Variants in ABCC9 observed in about 807,000 individuals in gnomAD.
The protein encoded by ABCC9 is ATP binding cassette subfamily C member 9, also known as ATP-binding cassette sub-family C member 9.
In ABCC9, 95 loss-of-function variants were observed where a neutral mutation model predicts 188.3. The observed-to-expected ratio is 0.50, with a 90% CI of 0.43 to 0.60. ABCC9 has a LOEUF of 0.60. Ranked by LOEUF, ABCC9 falls within the 20% of genes least tolerant of loss-of-function variation. The probability of loss-of-function intolerance (pLI) is 0.00; values close to 1 mark genes in which losing one functional copy is unlikely to be tolerated. For missense variants in ABCC9, 1,102 were observed against 1,876.3 expected, an observed-to-expected ratio of 0.59 and a Z score of 7.62; for synonymous variants, 659 against 652.7, an observed-to-expected ratio of 1.01 and a Z score of -0.15.
At chr12:21,872,800 T>G in intron 17 of ABCC9, 70 bp from the exon 18 acceptor site, 1 of 1,223,518 alleles carries the variant, frequency 8.2e-7, no homozygotes, top group Non-Finnish European at 1.2e-6. Context: ...CAAAACACAT[T>G]TAGAAAAAGC....
chr12:21,822,119 C>A (rs189410404), intron 31 of ABCC9, among the ~76,000 whole-genome samples: 1 of 152,174 alleles, frequency 6.6e-6, no homozygotes, highest in Admixed American at 6.5e-5. Flanking sequence ...TCAAAATCTA[C>A]AATCAACTAA....
At chr12:21,937,516 G>A (rs913429406) in intron 2 of ABCC9, among the ~76,000 whole-genome samples, 1 of 152,108 alleles carries the variant, frequency 6.6e-6, no homozygotes, top group African/African-American at 2.4e-5. Context: ...GGATTCCGGG[G>A]CAGAGGAGTG....
Position 21,901,641 on chromosome 12 carries a change from C to T in ABCC9, c.1618+4485G>A, listed in dbSNP as rs182752574. On this transcript the variant is annotated intron_variant, in intron 12 of 39. Transcript: ENST00000261200. ...CAAGCAAATGGAAAACAAAAAAAGG[C>T]AGAGGTTGCAATCCTAGTCTCAGAT... is the stretch of plus-strand genomic sequence containing the variant. 8.0e-3 allele frequency among the ~76,000 whole-genome samples: 1,217 copies of T among 152,166 alleles called. 39 individuals are homozygous for T. The highest frequency in any genetic ancestry group is 0.048 in the Admixed American group (727 of 15,278).
At chr12:21,917,240 A>G (rs2137931328) in intron 5 of ABCC9, 137 bp from the exon 6 acceptor site, 1 of 913,772 alleles carries the variant, frequency 1.1e-6, no homozygotes, top group Admixed American at 2.1e-5. Flanking sequence ...CTTGGTAAGA[A>G]AACAACATAT....
intron 39 of ABCC9, chr12:21,805,101 A>G (rs1186708115): frequency 1.6e-5 from 25 of 1,601,274 alleles, no homozygotes; most frequent in African/African-American, 2.7e-5. Context: ...AGCATTAGCC[A>G]TGCCTTACTG....
chr12:21,804,461 C>T (rs1394109280), intron 39 of ABCC9, among the ~76,000 whole-genome samples: 6 of 152,182 alleles, frequency 3.9e-5, no homozygotes, highest in Non-Finnish European at 8.8e-5. Flanking sequence ...TATCTCCCTA[C>T]CTTTTCCAGC....
chr12:21,835,388 A>G (rs1472129267), intron 30 of ABCC9, among the ~76,000 whole-genome samples: 2 of 152,224 alleles, frequency 1.3e-5, no homozygotes, highest in Non-Finnish European at 2.9e-5. Context: ...ATTATGATGC[A>G]GTGTGCTAAG....
At position 21,806,056 on chromosome 12, in the gene ABCC9, T is replaced by C; in HGVS notation, c.4454A>G (p.Asn1485Ser). ...ATASIDMATE[N>S]ILQKVVMTAF... The stretch of plus-strand genomic sequence containing the variant: ...TGTCATTACTACTTTTTGCAAAATA[T>C]TCTCCTGCAAAAAAAAAAAAGTGTA... The change falls in exon 39 of 40, where the codon AAT becomes AGT. Residue 1485 changes from asparagine to serine, a missense_variant. Asn to Ser is a conservative substitution (Grantham distance 46). Around this residue, in one of 12 missense-constraint regions of ABCC9, gnomAD observed 40 missense variants for 105.5 expected, o/e 0.38. Coordinates refer to ENST00000261200, the MANE Select transcript of ABCC9 (RefSeq NM_020297.4). The C allele has an allele frequency of 6.2e-7, 1 of 1,612,998 alleles. No homozygotes were observed. Among genetic ancestry groups the C allele is most frequent in the Middle Eastern group, 1.6e-4 (1 of 6,062 alleles).
At chr12:21,919,965 C>T (rs561322576) in intron 5 of ABCC9, among the ~76,000 whole-genome samples, 1 of 151,958 alleles carries the variant, frequency 6.6e-6, no homozygotes, top group African/African-American at 2.4e-5. Context: ...CAGATCAATG[C>T]AATTTAGCAT....
At chr12:21,833,736 T>TG in intron 30 of ABCC9, among the ~76,000 whole-genome samples, 1 of 152,280 alleles carries the variant, frequency 6.6e-6, no homozygotes, top group African/African-American at 2.4e-5. Flanking sequence ...CATACCTTCA[T>TG]AGAGGAGCTA....
intron 14 of ABCC9, 23 bp downstream of exon 14, chr12:21,894,009 A>T (rs764052139): frequency 6.2e-7 from 1 of 1,613,592 alleles, no homozygotes; most frequent in South Asian, 1.1e-5. Context: ...TAAGCAAAAA[A>T]TGCCAGACAC....
At chr12:21,856,610 A>G (rs975630140) in intron 22 of ABCC9, among the ~76,000 whole-genome samples, 1 of 152,216 alleles carries the variant, frequency 6.6e-6, no homozygotes, top group African/African-American at 2.4e-5. Context: ...GAAACTATTC[A>G]AGTGACATGT....
At chr12:21,920,283 G>C (rs1948758934) in intron 5 of ABCC9, among the ~76,000 whole-genome samples, 1 of 152,006 alleles carries the variant, frequency 6.6e-6, no homozygotes, top group Non-Finnish European at 1.5e-5. Context: ...CATAAAGAAG[G>C]TTGAAAGAAA....
intron 37 of ABCC9, among the ~76,000 whole-genome samples, chr12:21,807,810 G>A (rs1941960155): frequency 6.6e-6 from 1 of 152,158 alleles, no homozygotes; most frequent in Admixed American, 6.5e-5. Flanking sequence ...AAGGCCCAGA[G>A]AGCTGAAATG....
intron 35 of ABCC9, 54 bp from the exon 36 acceptor site, chr12:21,812,211 A>T: frequency 7.9e-7 from 1 of 1,270,028 alleles, no homozygotes; most frequent in Non-Finnish European, 1.2e-6. Flanking sequence ...AAGTAAAATA[A>T]TATTTGTTTA....
intron 7 of ABCC9, among the ~76,000 whole-genome samples, chr12:21,914,112 T>A (rs1330643463): frequency 1.3e-5 from 2 of 152,186 alleles, no homozygotes; most frequent in Non-Finnish European, 2.9e-5. Flanking sequence ...TCATAACACA[T>A]ATTTCTGACA....
At chr12:21,848,080 C>T (rs1944774692) in intron 25 of ABCC9, 70 bp downstream of exon 25, 8 of 1,360,876 alleles carry the variant, frequency 5.9e-6, no homozygotes, top group Non-Finnish European at 8.4e-6. Flanking sequence ...CATGGAGACA[C>T]TCACACATAA....
At chr12:21,904,303 T>C (rs572059641) in intron 12 of ABCC9, among the ~76,000 whole-genome samples, 14 of 152,276 alleles carry the variant, frequency 9.2e-5, no homozygotes, top group South Asian at 4.1e-4. Context: ...ACTTAAATGT[T>C]AGACCCAAAA....
Position 21,817,406 on chromosome 12 carries a change from T to C in ABCC9, c.3772-99A>G. The C allele has an allele frequency of 3.6e-6, 4 of 1,104,552 alleles. No homozygotes were observed. The South Asian group carries it at 5.2e-5, about 14-fold the overall frequency. 68.4% of individuals were successfully genotyped at this position (1,104,552 alleles called of 1,614,324 possible). The stretch of plus-strand genomic sequence containing the variant: ...GGAACGAGATAACTTGGACCATTAG[T>C]GTACATGTGTGATACAACTCATAAG... On this transcript the variant is annotated intron_variant, in intron 32 of 39. Coordinates refer to ENST00000261200, the MANE Select transcript of ABCC9 (RefSeq NM_020297.4).
Sources: gnomAD v4.1 joint callset for allele counts (sites outside exome capture counted in the v4.1 genomes callset) on GRCh38, gnomAD v4.1.1 for gene constraint, gnomAD v4.1.1 regional missense constraint, MANE v1.5 for transcripts, NCBI Gene and HGNC (gene_info 2026-07-23, HGNC 2026-07-21) for gene names.